The following PALM2AKAP2 variants were observed in gnomAD, a reference collection of about 807,000 sequenced individuals.
PALM2AKAP2 encodes the protein PALM2-AKAP2 fusion protein.
In PALM2AKAP2, 37 loss-of-function variants were observed where a neutral mutation model predicts 71.5. The observed-to-expected ratio is 0.52, with a 90% CI of 0.40 to 0.68. The LOEUF (loss-of-function observed/expected upper bound fraction) is 0.68, where lower values mean the gene tolerates loss of function less well. PALM2AKAP2 is among the 30% of genes least tolerant of loss of function. The pLI is 0.00. For synonymous variants in PALM2AKAP2, 468 were observed against 478.8 expected, an observed-to-expected ratio of 0.98 and a Z score of 0.29; for missense variants, 1,224 against 1,191.8, an observed-to-expected ratio of 1.03 and a Z score of -0.40.
chr9:109,820,885 T>C (rs983886490), intron 1 of PALM2AKAP2, among the ~76,000 whole-genome samples: 1 of 152,230 alleles, frequency 6.6e-6, no homozygotes, highest in African/African-American at 2.4e-5. Context: ...GGGGCAGCCA[T>C]GGAAGCCACC....
At chr9:109,816,463 A>G (rs1827856336) in intron 1 of PALM2AKAP2, among the ~76,000 whole-genome samples, 1 of 152,184 alleles carries the variant, frequency 6.6e-6, no homozygotes, top group South Asian at 2.1e-4. Context: ...AGCCAGTGAG[A>G]GACAGGGAAA....
intron 1 of PALM2AKAP2, among the ~76,000 whole-genome samples, chr9:110,080,723 C>T (rs147034216): frequency 0.01 from 1,578 of 152,198 alleles, 25 homozygotes; most frequent in African/African-American, 0.037. Context: ...CCGTTGCCCA[C>T]GCTGGAGTGC....
At chr9:109,665,059 GT>G (rs1375332158) in intron 1 of PALM2AKAP2, among the ~76,000 whole-genome samples, 1 of 152,144 alleles carries the variant, frequency 6.6e-6, no homozygotes, top group African/African-American at 2.4e-5. Flanking sequence ...CTTCTCTACA[GT>G]GTTTGTTCTA....
chr9:109,665,507 C>T (rs183802365), intron 1 of PALM2AKAP2, among the ~76,000 whole-genome samples: 20 of 152,280 alleles, frequency 1.3e-4, no homozygotes, highest in Non-Finnish European at 2.2e-4. Flanking sequence ...GCCTGGGTAT[C>T]GCCAGCGGAG....
chr9:109,764,402 T>A (rs1429348562), intron 1 of PALM2AKAP2, among the ~76,000 whole-genome samples: 1 of 152,100 alleles, frequency 6.6e-6, no homozygotes, highest in African/African-American at 2.4e-5. Context: ...TTTGCACAGC[T>A]TGTTCTCTCT....
At chr9:110,162,326 ATGGTGTGGTT>A (rs1229256437) in intron 3 of PALM2AKAP2, among the ~76,000 whole-genome samples, 194 bp downstream of exon 10, 48 of 152,232 alleles carry the variant, frequency 3.2e-4, no homozygotes, top group Non-Finnish European at 6.0e-4. Flanking sequence ...GTGATATACA[ATGGTGTGGTT>A]TGCTGTGCTG....
At chr9:110,091,459 C>CTTTTTTTTTTTTTTTTTTT (rs66848294) in intron 1 of PALM2AKAP2, among the ~76,000 whole-genome samples, 1 of 83,656 alleles carries the variant, frequency 1.2e-5, no homozygotes, top group African/African-American at 5.2e-5. Flanking sequence ...GAGATTTATT[C>CTTTTTTTTTTTTTTTTTTT]TTTTTTTTTT....
intron 1 of PALM2AKAP2, among the ~76,000 whole-genome samples, chr9:109,771,716 G>A (rs548440702): frequency 6.6e-6 from 1 of 152,274 alleles, no homozygotes; most frequent in East Asian, 1.9e-4. Context: ...GCTCACTCTG[G>A]GGGAGTGAGA....
chr9:109,724,996 A>T (rs570113678), intron 1 of PALM2AKAP2, among the ~76,000 whole-genome samples: 4 of 152,254 alleles, frequency 2.6e-5, no homozygotes, highest in Admixed American at 6.5e-5. Context: ...GAACACCTAA[A>T]TAGACAAAGT....
chr9:109,975,547 T>C (rs1304448049), intron 6 of PALM2AKAP2, among the ~76,000 whole-genome samples: 1 of 152,250 alleles, frequency 6.6e-6, no homozygotes, highest in African/African-American at 2.4e-5. Context: ...AGCCATTCCT[T>C]GGCTCAGTCA....
rs1410380770 is a variant in PALM2AKAP2 at position 110,048,770 on chromosome 9, G to A, written c.71G>A (p.Gly24Glu). ...TCTCCTGGACCCCCGGAGTCTCCTG[G>A]ACCCCCGGAGCGGGAGGCAGCGGCC... Residue 24 changes from glycine to glutamate, a missense_variant, in exon 1 of 4, where the codon GGA (glycine) becomes GAA (glutamate). By Grantham distance (98) the Gly-to-Glu change is moderately conservative (BLOSUM62 -2). Transcript: ENST00000374525. 2.0e-6 allele frequency: 3 copies of A among 1,475,960 alleles called. No homozygotes were observed. In the South Asian group the frequency reaches 3.7e-5, roughly 18 times the overall value. 91.4% of individuals were successfully genotyped at this position (1,475,960 alleles called of 1,614,324 possible). A position where few individuals can be genotyped will look rare whatever the true frequency, so the allele number is the denominator to read the frequency against.
chr9:110,090,216 C>T (rs1194983830), intron 1 of PALM2AKAP2: 1 of 387,096 alleles, frequency 2.6e-6, no homozygotes, highest in South Asian at 1.9e-5. Flanking sequence ...CGGGCAGGTA[C>T]AGGATGCGAG....
In PALM2AKAP2 at chr9:110,016,018, C is replaced by T. The variant is rs147540032; in HGVS notation, c.561C>T (p.Ser187=). 141 of 1,613,862 alleles carry T rather than the reference C, an allele frequency of 8.7e-5. 2 individuals are homozygous for T. Among genetic ancestry groups the T allele is most frequent in the Middle Eastern group, 3.3e-4 (2 of 6,062 alleles). Residue 187 remains serine, a synonymous_variant, in exon 7 of 10, where the codon TCC becomes TCT. Transcript: ENST00000302798. ...CAGCCTCGAACGCCACAGAAACATC[C>T]GGCCCAGACATGACTATCAAGGTAA... is the stretch of plus-strand genomic sequence containing the variant.
intron 1 of PALM2AKAP2, among the ~76,000 whole-genome samples, chr9:109,828,989 G>A (rs570944392): frequency 6.6e-5 from 10 of 152,358 alleles, no homozygotes; most frequent in African/African-American, 1.9e-4. Flanking sequence ...ATCACAGAAT[G>A]TGAGGTGAGG....
intron 1 of PALM2AKAP2, among the ~76,000 whole-genome samples, chr9:110,121,720 G>T (rs1464504622): frequency 6.6e-6 from 1 of 152,200 alleles, no homozygotes; most frequent in Non-Finnish European, 1.5e-5. Flanking sequence ...CCGTTAAAGA[G>T]ATAAAGTTCT....
At position 109,691,897 on chromosome 9, in the gene PALM2AKAP2, T is replaced by C. The variant is rs1460312322; in HGVS notation, c.5+51031T>C. Among the ~76,000 whole-genome samples the C allele has an allele frequency of 5.2e-3, 317 of 61,478 alleles. 1 individual carries two copies. The highest frequency in any genetic ancestry group is 0.02 in the African/African-American group (299 of 15,190). The allele number at this position is 61,478 out of a possible 152,430, so 40.3% of individuals were successfully genotyped here. ...ACACACACACATATATATATATATA[T>C]ATATACACACACACATATATATATA... On this transcript the variant is annotated intron_variant, in intron 1 of 6. Transcript: ENST00000374531.
Position 110,005,829 on chromosome 9 carries a change from C to T in PALM2AKAP2, c.497-10125C>T, listed in dbSNP as rs183534078. ...TGGGTGTGGGACCCTCTGAGCCAGG[C>T]GTGGGATACAATCTCCTGGTGTGCC... On this transcript the variant is annotated intron_variant, in intron 6 of 9. Coordinates refer to the PALM2AKAP2 transcript ENST00000302798. 6.8e-4 allele frequency among the ~76,000 whole-genome samples: 103 copies of T among 152,308 alleles called. 2 individuals are homozygous for T. In the East Asian group the frequency reaches 0.014, roughly 21 times the overall value.
chr9:109,690,805 A>G (rs1373169065), intron 1 of PALM2AKAP2, among the ~76,000 whole-genome samples: 7 of 152,148 alleles, frequency 4.6e-5, no homozygotes, highest in Admixed American at 3.9e-4. Context: ...TTCGGATCAC[A>G]TCCTATACCT....
At chr9:110,169,919 C>A (rs1836817386) in exon 4 of PALM2AKAP2, 1 of 152,342 alleles carries the variant, frequency 6.6e-6, no homozygotes. Flanking sequence ...GTGAGAATTT[C>A]TTTTTTATGA....
Sources: allele counts gnomAD v4.1 joint callset (sites outside exome capture counted in the v4.1 genomes callset), GRCh38; gene constraint gnomAD v4.1.1; transcripts MANE v1.5; gene names NCBI Gene and HGNC (gene_info 2026-07-23, HGNC 2026-07-21).